Variants in FREM1 observed in about 807,000 individuals in gnomAD.
FREM1 encodes the protein FRAS1 related extracellular matrix 1.
FREM1 carries 220 observed loss-of-function variants against 210.1 expected under a neutral mutation model. The ratio of observed to expected loss-of-function variants is 1.05; its 90% confidence interval spans 0.94 to 1.17. The LOEUF (loss-of-function observed/expected upper bound fraction) is 1.17. Among genes scored for constraint, FREM1 ranks in the 50% most tolerant of loss-of-function variants. FREM1 has a pLI of 0.00. For missense variants in FREM1, 3,454 were observed against 2,675.5 expected (o/e 1.29, Z -6.42); for synonymous variants, 1,189 against 980.2 (o/e 1.21, Z -3.98).
At chr9:14,760,392 G>A (rs544203207) in intron 27 of FREM1, among the ~76,000 whole-genome samples, 26 of 152,242 alleles carry the variant, frequency 1.7e-4, no homozygotes, top group Middle Eastern at 3.4e-3. Flanking sequence ...AAATATTTTT[G>A]AGGATGTGCT....
intron 24 of FREM1, chr9:14,779,505 T>A (rs1472609499): frequency 2.0e-6 from 2 of 985,124 alleles, no homozygotes; most frequent in East Asian, 2.3e-4. Flanking sequence ...ATCTTGAATA[T>A]CTAATTCTGA....
In FREM1 at chr9:14,805,011, A is replaced by G; in HGVS notation, c.3416T>C (p.Ile1139Thr). The change falls in exon 19 of 37, where the codon ATT (isoleucine) becomes ACT (threonine). Residue 1139 changes from isoleucine to threonine, a missense_variant. Physicochemically the swap from Ile to Thr is moderately conservative, Grantham distance 89 (BLOSUM62 -1). Coordinates refer to ENST00000380880, the MANE Select transcript of FREM1 (RefSeq NM_001379081.2). ...TTCATCATTTGTGGGGTTGATTATA[A>G]TAGAAAATGGTATCTCCAAGGAGTG... is the stretch of plus-strand genomic sequence containing the variant. The part of the protein sequence containing the change: ...KHHSLEIPFS[I>T]IINPTNDEAP... 1 of 1,613,828 alleles carries G rather than the reference A, an allele frequency of 6.2e-7. No homozygotes were observed. The highest frequency in any genetic ancestry group is 1.1e-5 in the South Asian group (1 of 91,066).
At chr9:14,738,776 G>A (rs567993050) in intron 36 of FREM1, among the ~76,000 whole-genome samples, 2 of 152,112 alleles carry the variant, frequency 1.3e-5, no homozygotes, top group African/African-American at 2.4e-5. Context: ...TTGGGAGACC[G>A]AGGCAGGTGG....
intron 1 of FREM1, among the ~76,000 whole-genome samples, chr9:14,901,451 G>A (rs1023905880): frequency 8.6e-5 from 13 of 152,030 alleles, no homozygotes; most frequent in Admixed American, 3.9e-4. Context: ...CCTCAATCTT[G>A]TTCGTTTCAG....
rs1191519460 is a variant in FREM1 at position 14,836,701 on chromosome 9, T to C, written c.1881+4746A>G. The stretch of plus-strand genomic sequence containing the variant: ...CTAAAAGCAATCAAACTCCAAATGG[T>C]GCTGCAAACTGAACCGCATGTGGAC... On this transcript the variant is annotated intron_variant, in intron 10 of 36. Coordinates refer to ENST00000380880, the MANE Select transcript of FREM1 (RefSeq NM_001379081.2). This position sits in a 1 kb window ranked among gnomAD's most constrained non-coding sequence, Gnocchi z 4.9. Among the ~76,000 whole-genome samples the C allele has an allele frequency of 6.6e-6, 1 of 152,164 alleles. No homozygotes were observed. Among genetic ancestry groups the C allele is most frequent in the East Asian group, 1.9e-4 (1 of 5,192 alleles).
chr9:14,737,588 G>C lies in FREM1; in HGVS notation c.6348C>G (p.Asn2116Lys). 1.3e-6 allele frequency: 2 copies of C among 1,557,696 alleles called. No homozygotes were observed. The highest frequency in any genetic ancestry group is 2.3e-5 in the East Asian group (1 of 43,648). Residue 2116 changes from asparagine (N) to lysine (K), a missense_variant, in exon 37 of 37, where the codon AAC (asparagine) becomes AAG (lysine). Transcript: ENST00000380880. ...CCCAGTGGCCAGCATGCACTTGGTCGTTCAAACCTAATGTGAACCAAAAGA... is the reference window on the plus strand; with the variant it reads ...CCCAGTGGCCAGCATGCACTTGGTCCTTCAAACCTAATGTGAACCAAAAGA... The part of the protein sequence containing the change: ...GGRKSFWIGL[N>K]DQVHAGHWEW...
intron 1 of FREM1, among the ~76,000 whole-genome samples, chr9:14,894,096 C>T (rs901417943): frequency 1.3e-5 from 2 of 152,076 alleles, no homozygotes; most frequent in African/African-American, 2.4e-5. Context: ...ATTAATAGTA[C>T]ACTAATACAA....
intron 27 of FREM1, among the ~76,000 whole-genome samples, chr9:14,766,653 A>G (rs1846466844): frequency 6.6e-6 from 1 of 152,086 alleles, no homozygotes; most frequent in Non-Finnish European, 1.5e-5. Flanking sequence ...AAGATTCTGA[A>G]TTTTCCACTG....
chr9:14,822,599 CT>C (rs1287266847), intron 13 of FREM1, among the ~76,000 whole-genome samples: 1 of 152,176 alleles, frequency 6.6e-6, no homozygotes, highest in Non-Finnish European at 1.5e-5. Context: ...ATGGGACATA[CT>C]CTCAATGCAA....
At chr9:14,845,471 A>G (rs1036083038) in intron 8 of FREM1, among the ~76,000 whole-genome samples, 14 of 151,980 alleles carry the variant, frequency 9.2e-5, no homozygotes, top group Admixed American at 3.3e-4. Context: ...TGCCCGGCTA[A>G]TTTTTGTATT....
At position 14,813,398 on chromosome 9, in the gene FREM1, A is replaced by G. The variant is rs1215902572; in HGVS notation, c.2641-334T>C. On this transcript the variant is annotated intron_variant, in intron 15 of 36. Coordinates refer to ENST00000380880, the MANE Select transcript of FREM1 (RefSeq NM_001379081.2). ...CAAAGCCCCTATCCTCTTTCATTAA[A>G]CTCACACATATTCCAGAAGAATTCT... Among the ~76,000 whole-genome samples, 4 of 152,090 alleles carry G rather than the reference A, an allele frequency of 2.6e-5. No homozygotes were observed. In the East Asian group the frequency reaches 7.7e-4, roughly 29 times the overall value.
intron 24 of FREM1, among the ~76,000 whole-genome samples, chr9:14,777,371 T>G (rs1017674696): frequency 1.3e-5 from 2 of 150,312 alleles, no homozygotes; most frequent in African/African-American, 2.4e-5. Flanking sequence ...AGGCACAATA[T>G]TAAAACTCCA....
At chr9:14,752,070 T>G (rs1843493204) in intron 29 of FREM1, among the ~76,000 whole-genome samples, 1 of 151,130 alleles carries the variant, frequency 6.6e-6, no homozygotes, top group Non-Finnish European at 1.5e-5. Context: ...AAATATATAT[T>G]TTGTACTTAT....
intron 1 of FREM1, among the ~76,000 whole-genome samples, 156 bp from the exon 2 acceptor site, chr9:14,869,400 C>A (rs927135305): frequency 3.3e-5 from 5 of 152,208 alleles, no homozygotes; most frequent in Non-Finnish European, 7.3e-5. Context: ...CTAGACCCAT[C>A]TGAAAGGCAA....
At chr9:14,773,645 C>CA (rs968853722) in intron 25 of FREM1, among the ~76,000 whole-genome samples, 22 of 141,132 alleles carry the variant, frequency 1.6e-4, no homozygotes, top group South Asian at 2.2e-4. Flanking sequence ...ATACTTTTGA[C>CA]AAAAAAAAAG....
At chr9:14,740,327 T>A in intron 35 of FREM1, 93 bp from the exon 36 acceptor site, 3 of 950,082 alleles carry the variant, frequency 3.2e-6, no homozygotes, top group Admixed American at 2.0e-5. Flanking sequence ...AAGTTTAAAA[T>A]ACACAAAAAA....
At chr9:14,904,030 G>A (rs1817220438) in intron 1 of FREM1, among the ~76,000 whole-genome samples, 1 of 148,528 alleles carries the variant, frequency 6.7e-6, no homozygotes, top group Non-Finnish European at 1.5e-5. Context: ...GCTGAGGCAG[G>A]AGAATGGCGT....
At chr9:14,795,365 T>G (rs561888658) in intron 21 of FREM1, among the ~76,000 whole-genome samples, 11 of 152,336 alleles carry the variant, frequency 7.2e-5, no homozygotes, top group Non-Finnish European at 8.8e-5. Context: ...TGAGTCAATC[T>G]GACTCCAGCA....
chr9:14,897,914 T>C (rs749282293), intron 1 of FREM1, among the ~76,000 whole-genome samples: 1 of 152,196 alleles, frequency 6.6e-6, no homozygotes, highest in Non-Finnish European at 1.5e-5. Context: ...ATAAGAGTCT[T>C]AATGCTCTTT....
Sources: allele counts gnomAD v4.1 joint callset (sites outside exome capture counted in the v4.1 genomes callset), GRCh38; gene constraint gnomAD v4.1.1; non-coding constraint Gnocchi (gnomAD v3.1); transcripts MANE v1.5; gene names NCBI Gene and HGNC (gene_info 2026-07-23, HGNC 2026-07-21).